The following TUBGCP5 variants were observed in gnomAD, a reference collection of about 807,000 sequenced individuals.
The protein encoded by TUBGCP5 is gamma-tubulin complex component 5.
A neutral mutation model predicts 134.7 loss-of-function variants in TUBGCP5; 98 were observed. The ratio of observed to expected loss-of-function variants is 0.73; its 90% CI spans 0.62 to 0.86. The LOEUF (loss-of-function observed/expected upper bound fraction) is 0.86. TUBGCP5 is among the 40% of genes least tolerant of loss of function. The pLI, the probability that TUBGCP5 is intolerant of heterozygous loss-of-function variation, is 0.00. For synonymous variants in TUBGCP5, 456 were observed against 431.4 expected (o/e 1.06, Z -0.71); for missense variants, 1,150 against 1,244.8 (o/e 0.92, Z 1.15).
intron 20 of TUBGCP5, 127 bp downstream of exon 20, chr15:23,003,975 A>C (rs189121863): frequency 7.8e-7 from 1 of 1,280,680 alleles, no homozygotes; most frequent in Admixed American, 3.3e-5. Flanking sequence ...TTGTAACCTC[A>C]TTTCATCTGG....
At chr15:23,038,616 A>G (rs1257567056) in intron 1 of TUBGCP5, among the ~76,000 whole-genome samples, 1 of 152,194 alleles carries the variant, frequency 6.6e-6, no homozygotes, top group Non-Finnish European at 1.5e-5. Flanking sequence ...ACGGATTTTG[A>G]AAAACTGTTC....
downstream of TUBGCP5, among the ~76,000 whole-genome samples, chr15:22,998,831 G>A (rs1025861611): frequency 1.3e-5 from 2 of 152,074 alleles, no homozygotes; most frequent in Non-Finnish European, 2.9e-5. Context: ...TGGCCAGGCT[G>A]GTCTTGAACT....
At position 23,007,595 on chromosome 15, in the gene TUBGCP5, C is replaced by G. The variant is rs549797410; in HGVS notation, c.2327+1104G>C. 2.0e-5 allele frequency among the ~76,000 whole-genome samples: 3 copies of G among 152,174 alleles called. No homozygotes were observed. The South Asian group carries it at 6.2e-4, about 32-fold the overall frequency. On this transcript the variant is annotated intron_variant, in intron 16 of 22. Coordinates refer to ENST00000615383, the MANE Select transcript of TUBGCP5 (RefSeq NM_052903.6). The stretch of plus-strand genomic sequence containing the variant: ...AGGAATGAGCAGACCTCTGCCGGGC[C>G]CATGAACTGGAGACTATGTCACAGG...
chr15:23,008,509 C>G (rs1209019057), intron 16 of TUBGCP5, 190 bp downstream of exon 16: 2 of 697,160 alleles, frequency 2.9e-6, no homozygotes, highest in Admixed American at 4.8e-5. Context: ...TCCACCGCCT[C>G]TGCCTCCCAA....
rs1357122810 is a variant in TUBGCP5 at position 23,037,285 on chromosome 15, C to G, written c.147-133G>C. 3 of 800,818 alleles carry G rather than the reference C, an allele frequency of 3.7e-6. 1 individual carries two copies. The highest frequency in any genetic ancestry group is 4.1e-6 in the Non-Finnish European group (2 of 485,568). The allele number at this position is 800,818 out of a possible 1,614,324, so 49.6% of individuals were successfully genotyped here. A position where few individuals can be genotyped will look rare whatever the true frequency, so the allele number is the denominator to read the frequency against. On this transcript the variant is annotated intron_variant, in intron 1 of 22. Transcript: ENST00000615383. ...TCCAGAATGGAGTGTACCTTGTCCT[C>G]CGTTACCTCCACCATCAGGCAGGCA...
chr15:22,986,450 A>T, intron 23 of TUBGCP5, among the ~76,000 whole-genome samples: 2 of 152,246 alleles, frequency 1.3e-5, no homozygotes, highest in South Asian at 4.1e-4. Flanking sequence ...CAGAAGTCAG[A>T]AATTGGCCGG....
At position 23,000,555 on chromosome 15, in the gene TUBGCP5, C is replaced by T. The variant is rs756856154; in HGVS notation, c.3028+14G>A. 19 of 1,608,808 alleles carry T rather than the reference C, an allele frequency of 1.2e-5. No individual in the cohort carries two copies. The highest frequency in any genetic ancestry group is 1.6e-5 in the Non-Finnish European group (19 of 1,177,732). Reference sequence around the variant, plus strand: ...AAATACAGAGGTAGAAATATTTTAACATGATATACTCACAATGGGGAAAGG... The same window carrying T: ...AAATACAGAGGTAGAAATATTTTAATATGATATACTCACAATGGGGAAAGG... On this transcript the variant is annotated intron_variant, in intron 22 of 22. Transcript: ENST00000615383.
chr15:23,010,687 A>G (rs997028454), intron 14 of TUBGCP5, among the ~76,000 whole-genome samples: 5 of 152,142 alleles, frequency 3.3e-5, no homozygotes, highest in African/African-American at 4.8e-5. Context: ...TCTGCTTGTT[A>G]TAAAGGATAG....
chr15:23,012,115 C>CTAAA (rs2065069850), intron 13 of TUBGCP5, among the ~76,000 whole-genome samples: 7 of 80,834 alleles, frequency 8.7e-5, no homozygotes, highest in East Asian at 8.3e-4. Context: ...AAACCTGACT[C>CTAAA]AAAAAAAAAA....
At chr15:23,009,106 T>A (rs1045151610) in intron 15 of TUBGCP5, among the ~76,000 whole-genome samples, 5 of 152,054 alleles carry the variant, frequency 3.3e-5, no homozygotes, top group Admixed American at 6.6e-5. Flanking sequence ...TATAGAAAAT[T>A]GGGCAGTCAC....
In TUBGCP5 at chr15:23,010,067, TG is replaced by T. The variant is rs758856655; in HGVS notation, c.2021del (p.Ser674TyrfsTer5). 1 of 1,614,160 alleles carries T rather than the reference TG, an allele frequency of 6.2e-7. No individual in the cohort carries two copies. The highest frequency in any genetic ancestry group is 1.1e-5 in the South Asian group (1 of 91,086). On this transcript the variant is annotated frameshift_variant, in exon 15 of 23. Coordinates refer to ENST00000615383, the MANE Select transcript of TUBGCP5 (RefSeq NM_052903.6). LOFTEE classifies it high-confidence loss of function. ...AAGTCTGGCATGTCACAGATTCCGA[TG>T]ATCTATCCACACATACATCACCACC... The part of the protein sequence containing the change: ...FAGGDVCVDR[S>X]SESVTCQTFE...
chr15:23,015,716 C>A (rs749173808), intron 13 of TUBGCP5, among the ~76,000 whole-genome samples: 1 of 152,180 alleles, frequency 6.6e-6, no homozygotes, highest in Non-Finnish European at 1.5e-5. Context: ...CAAACCCCCT[C>A]ACTGTAGGCC....
intron 12 of TUBGCP5, among the ~76,000 whole-genome samples, chr15:23,018,383 A>G (rs1202604020): frequency 6.6e-6 from 1 of 152,206 alleles, no homozygotes; most frequent in Non-Finnish European, 1.5e-5. Context: ...TTTTCCCTAC[A>G]AAGATTCTTA....
At chr15:23,034,867 A>AG (rs1441396768) in intron 3 of TUBGCP5, among the ~76,000 whole-genome samples, 1 of 147,606 alleles carries the variant, frequency 6.8e-6, no homozygotes, top group Admixed American at 6.6e-5. Flanking sequence ...CATTGAAAAC[A>AG]GGAACAATAA....
intron 6 of TUBGCP5, 106 bp downstream of exon 6, chr15:23,030,779 A>C: frequency 5.0e-5 from 69 of 1,370,462 alleles, no homozygotes; most frequent in Non-Finnish European, 6.1e-5. Context: ...TAAGGATGGT[A>C]GAGCTTAGCC....
In TUBGCP5 at chr15:23,026,102, TGAACATTTC is replaced by T. The variant is rs1159276220; in HGVS notation, c.827+5_827+13del. On this transcript the variant is annotated splice_donor_5th_base_variant and intron_variant, in intron 8 of 22. Coordinates refer to ENST00000615383, the MANE Select transcript of TUBGCP5 (RefSeq NM_052903.6). ...AGTCTCATAAAGACTATTAATTAAA[TGAACATTTC>T]TTACCATAGGGTTTCCCGAATAACC... The T allele has an allele frequency of 3.1e-6, 5 of 1,589,024 alleles. No individual in the cohort carries two copies. The Admixed American group carries it at 9.5e-5, about 30-fold the overall frequency.
At chr15:23,005,804 C>A in intron 18 of TUBGCP5, 194 bp from the exon 19 acceptor site, 1 of 684,016 alleles carries the variant, frequency 1.5e-6, no homozygotes, top group African/African-American at 1.8e-5. Flanking sequence ...TTTTCCTAAT[C>A]AAGTTGTTGC....
At chr15:23,015,908 C>G (rs953986907) in intron 13 of TUBGCP5, among the ~76,000 whole-genome samples, 7 of 152,112 alleles carry the variant, frequency 4.6e-5, no homozygotes, top group African/African-American at 1.7e-4. Flanking sequence ...GGTGACTTTC[C>G]CACCAGATGT....
intron 19 of TUBGCP5, chr15:23,004,463 T>C (rs1393862356): frequency 6.4e-6 from 3 of 468,358 alleles, no homozygotes; most frequent in African/African-American, 2.1e-5. Context: ...AGTGAATGAA[T>C]GAACGCCAAA....
Sources: gnomAD v4.1 joint callset for allele counts (sites outside exome capture counted in the v4.1 genomes callset) on GRCh38, gnomAD v4.1.1 for gene constraint, MANE v1.5 for transcripts, NCBI Gene and HGNC (gene_info 2026-07-23, HGNC 2026-07-21) for gene names.